The following CMIP variants were observed in gnomAD, a reference collection of about 807,000 sequenced individuals.
CMIP encodes C-Maf-inducing protein.
Under a neutral mutation model 97.3 loss-of-function variants are expected in CMIP, and 13 were observed. That is an observed-to-expected ratio of 0.13 (90% CI 0.09 to 0.21). The LOEUF (loss-of-function observed/expected upper bound fraction) is 0.21, where lower values mean the gene tolerates loss of function less well. Among genes scored for constraint, CMIP ranks in the 10% least tolerant of loss-of-function variants. The probability of loss-of-function intolerance (pLI) is 1.00; values close to 1 mark genes in which losing one functional copy is unlikely to be tolerated. For missense variants in CMIP, 847 were observed against 1,024.9 expected, an observed-to-expected ratio of 0.83 and a Z score of 2.37; for synonymous variants, 538 against 436.3, an observed-to-expected ratio of 1.23 and a Z score of -2.91.
rs2091888760 is a variant in CMIP at position 81,614,902 on chromosome 16, G to C, written c.427-5974G>C. Among the ~76,000 whole-genome samples the C allele has an allele frequency of 6.6e-6, 1 of 150,926 alleles. No homozygotes were observed. The highest frequency in any genetic ancestry group is 2.1e-4 in the South Asian group (1 of 4,756). Reference sequence around the variant, plus strand: ...GTATGTGCATGTGTGTGTGTCCTGTGTCTATATGTGGTGTGCATAGTGTGT... The same window carrying C: ...GTATGTGCATGTGTGTGTGTCCTGTCTCTATATGTGGTGTGCATAGTGTGT... On this transcript the variant is annotated intron_variant, in intron 2 of 20. Transcript: ENST00000537098. This position sits in a 1 kb window ranked among gnomAD's most constrained non-coding sequence, Gnocchi z 5.3.
At chr16:81,592,797 A>G (rs920576808) in intron 1 of CMIP, among the ~76,000 whole-genome samples, 1 of 152,200 alleles carries the variant, frequency 6.6e-6, no homozygotes, top group Non-Finnish European at 1.5e-5. Context: ...CATGAGATGA[A>G]GATGGTCCCT....
chr16:81,648,604 T>C (rs1285930539), intron 3 of CMIP, among the ~76,000 whole-genome samples: 1 of 151,720 alleles, frequency 6.6e-6, no homozygotes, highest in Non-Finnish European at 1.5e-5. Flanking sequence ...GCCAACATGG[T>C]GAAGCCCATC....
intron 1 of CMIP, chr16:81,475,968 C>T (rs1318007098): frequency 2.2e-6 from 1 of 462,874 alleles, no homozygotes; most frequent in Non-Finnish European, 4.0e-6. Flanking sequence ...GCGTGGGTGA[C>T]AGAGTGAGAC....
At chr16:81,459,448 T>C (rs1294190196) in intron 1 of CMIP, among the ~76,000 whole-genome samples, 1 of 152,132 alleles carries the variant, frequency 6.6e-6, no homozygotes, top group African/African-American at 2.4e-5. Context: ...TCTCAGCCCC[T>C]GTCCTAACCC....
chr16:81,515,593 C>T (rs1938863844), intron 1 of CMIP, among the ~76,000 whole-genome samples: 1 of 152,178 alleles, frequency 6.6e-6, no homozygotes, highest in Non-Finnish European at 1.5e-5. Flanking sequence ...CAGGAAATCA[C>T]AGGGCTGGAG....
intron 1 of CMIP, among the ~76,000 whole-genome samples, chr16:81,550,794 G>C (rs553980700): frequency 6.6e-6 from 1 of 151,938 alleles, no homozygotes; most frequent in East Asian, 1.9e-4. Context: ...CTTACACCCA[G>C]GAGAGGATGA....
intron 1 of CMIP, among the ~76,000 whole-genome samples, chr16:81,480,312 G>T (rs1908180631): frequency 6.6e-6 from 1 of 152,106 alleles, no homozygotes; most frequent in Non-Finnish European, 1.5e-5. Flanking sequence ...GGCCGAGGTG[G>T]GCAGATCACC....
At chr16:81,632,672 C>A (rs76852870) in intron 3 of CMIP, among the ~76,000 whole-genome samples, 1 of 152,348 alleles carries the variant, frequency 6.6e-6, no homozygotes, top group East Asian at 1.9e-4. Flanking sequence ...TCGCAGCCCC[C>A]CAACACGGAA....
chr16:81,505,954 C>T (rs1366291156), intron 1 of CMIP, among the ~76,000 whole-genome samples: 1 of 152,220 alleles, frequency 6.6e-6, no homozygotes, highest in Admixed American at 6.5e-5. Flanking sequence ...TAGATTGTGC[C>T]ATTGCACTCC....
intron 1 of CMIP, among the ~76,000 whole-genome samples, chr16:81,562,327 G>T (rs1453264350): frequency 6.6e-6 from 1 of 152,222 alleles, no homozygotes; most frequent in African/African-American, 2.4e-5. Flanking sequence ...AAGGAGCCAG[G>T]ATTCAAATCT....
Position 81,629,340 on chromosome 16 carries a change from G to A in CMIP, c.477+8414G>A, listed in dbSNP as rs780217184. Among the ~76,000 whole-genome samples, 29 of 151,796 alleles carry A rather than the reference G, an allele frequency of 1.9e-4. 1 individual carries two copies. The highest frequency in any genetic ancestry group is 2.9e-5 in the Non-Finnish European group (2 of 67,966). ...CACATCTTCCCCAAACACACTGGTCGCTGTGTCCCCTGACTTTAAACTTGA... is the reference window on the plus strand; with the variant it reads ...CACATCTTCCCCAAACACACTGGTCACTGTGTCCCCTGACTTTAAACTTGA... On this transcript the variant is annotated intron_variant, in intron 3 of 20. Transcript: ENST00000537098.
At chr16:81,629,117 C>T (rs1030938155) in intron 3 of CMIP, among the ~76,000 whole-genome samples, 2 of 103,930 alleles carry the variant, frequency 1.9e-5, no homozygotes, top group Admixed American at 3.2e-4. Context: ...GCCTGGGTGA[C>T]AGAGTGAAAC....
chr16:81,566,635 T>A (rs566882767), intron 1 of CMIP, among the ~76,000 whole-genome samples: 2 of 152,236 alleles, frequency 1.3e-5, no homozygotes, highest in East Asian at 3.8e-4. Context: ...TAGGACCCAA[T>A]GATTCTACTC....
At chr16:81,626,451 GTGTGTGTGTGTA>G (rs2092065485) in intron 3 of CMIP, among the ~76,000 whole-genome samples, 1 of 63,798 alleles carries the variant, frequency 1.6e-5, no homozygotes, top group African/African-American at 3.5e-5. Context: ...TATCTTATGA[GTGTGTGTGTGTA>G]TGTGTGGCAT....
intron 7 of CMIP, chr16:81,667,056 C>T (rs1378874149): frequency 6.6e-6 from 1 of 151,996 alleles, no homozygotes; most frequent in South Asian, 2.1e-4. Context: ...AGTGACTGCT[C>T]TTCACCCCAA....
chr16:81,463,830 C>G (rs1226255172), intron 1 of CMIP: 4 of 152,334 alleles, frequency 2.6e-5, no homozygotes, highest in Non-Finnish European at 5.9e-5. Context: ...GGCTCCACTG[C>G]TTTTCCTGAG....
intron 19 of CMIP, among the ~76,000 whole-genome samples, chr16:81,705,810 A>T (rs1908071393): frequency 6.6e-6 from 1 of 152,236 alleles, no homozygotes; most frequent in Non-Finnish European, 1.5e-5. Flanking sequence ...CCCTAACCTC[A>T]GAGAGCTTAT....
In CMIP at chr16:81,611,636, CT is replaced by C. The variant is rs1227649261; in HGVS notation, c.426+3946del. ...AGTCCTTGCTGTGGCTCACTCTGGGCTTCTCTTGCAGGTCCTTCCTCCAGGC... is the reference window on the plus strand; with the variant it reads ...AGTCCTTGCTGTGGCTCACTCTGGGCTCTCTTGCAGGTCCTTCCTCCAGGC... On this transcript the variant is annotated intron_variant, in intron 2 of 20. Coordinates refer to ENST00000537098, the MANE Select transcript of CMIP (RefSeq NM_198390.3). Among the ~76,000 whole-genome samples, 3 of 152,106 alleles carry C rather than the reference CT, an allele frequency of 2.0e-5. No homozygotes were observed. In the East Asian group the frequency reaches 5.8e-4, roughly 29 times the overall value.
At chr16:81,654,656 C>G (rs1320737570) in intron 4 of CMIP, among the ~76,000 whole-genome samples, 1 of 152,182 alleles carries the variant, frequency 6.6e-6, no homozygotes, top group Non-Finnish European at 1.5e-5. Flanking sequence ...GGCCCTTAGA[C>G]CTCCCCAGTT....
Sources: gnomAD v4.1 joint callset for allele counts (sites outside exome capture counted in the v4.1 genomes callset) on GRCh38, gnomAD v4.1.1 for gene constraint, Gnocchi (gnomAD v3.1) non-coding constraint, MANE v1.5 for transcripts, NCBI Gene and HGNC (gene_info 2026-07-23, HGNC 2026-07-21) for gene names.